The following RESF1 variants were observed in gnomAD, a reference collection of about 807,000 sequenced individuals.
RESF1 encodes retroelement silencing factor 1.
Under a neutral mutation model 134.7 loss-of-function variants are expected in RESF1, and 65 were observed. That is an observed-to-expected ratio of 0.48 (90% confidence interval 0.40 to 0.59). RESF1 has a LOEUF of 0.59. RESF1 is among the 20% of genes least tolerant of loss of function. RESF1 has a pLI of 0.00. For missense variants in RESF1, 2,274 were observed against 2,002.7 expected (o/e 1.14, Z -2.59); for synonymous variants, 762 against 702.2 (o/e 1.09, Z -1.35).
intron 3 of RESF1, among the ~76,000 whole-genome samples, chr12:31,976,468 A>G (rs946370521): frequency 2.6e-5 from 4 of 152,076 alleles, no homozygotes; most frequent in African/African-American, 9.7e-5. Flanking sequence ...GGCGGATCAC[A>G]AGGTCAGGAG....
In RESF1 at chr12:31,985,184, CTT is replaced by C. The variant is rs779715278; in HGVS notation, c.4231_4232del (p.Leu1411ValfsTer10). ...GGAGCTACATTCAAATTAGGTGACT[CTT>C]TGTCAAACCCAAACGAAAGAGCCAT... On this transcript the variant is annotated frameshift_variant, in exon 4 of 6. Coordinates refer to ENST00000312561, the MANE Select transcript of RESF1 (RefSeq NM_018169.4). LOFTEE classifies it high-confidence loss of function. 4.5e-6 allele frequency: 7 copies of C among 1,568,144 alleles called. No homozygotes were observed. Among genetic ancestry groups the C allele is most frequent in the Admixed American group, 2.1e-5 (1 of 47,626 alleles).
In RESF1 at chr12:31,985,892, C is replaced by A; in HGVS notation, c.4937C>A (p.Thr1646Lys). 6.5e-7 allele frequency: 1 copy of A among 1,528,478 alleles called. No individual in the cohort carries two copies. The highest frequency in any genetic ancestry group is 1.3e-5 in the South Asian group (1 of 74,506). The allele number at this position is 1,528,478 out of a possible 1,614,324, so 94.7% of individuals were successfully genotyped here. A position where few individuals can be genotyped will look rare whatever the true frequency, so the allele number is the denominator to read the frequency against. The change falls in exon 4 of 6, where the codon ACA (threonine) becomes AAA (lysine). Residue 1646 changes from threonine (T) to lysine (K), a missense_variant. Coordinates refer to ENST00000312561, the MANE Select transcript of RESF1 (RefSeq NM_018169.4). ...KLCPDILLKN[T>K]NSVEERKDVK... ...TGTCCAGATATCTTACTAAAGAATA[C>A]AAACTCTGTGGAAGAACGGAAGGAT...
chr12:31,992,794 A>G lies in RESF1; in HGVS notation c.*259A>G, dbSNP rs991703439. 3.2e-5 allele frequency: 14 copies of G among 433,066 alleles called. No individual in the cohort carries two copies. In the South Asian group the frequency reaches 3.4e-4, roughly 10 times the overall value. 26.8% of individuals were successfully genotyped at this position (433,066 alleles called of 1,614,324 possible). On this transcript the variant is annotated 3_prime_UTR_variant, in exon 6 of 6. Coordinates refer to ENST00000312561, the MANE Select transcript of RESF1 (RefSeq NM_018169.4). ...ATTGAACCAGATTTACCATTATTTT[A>G]AAAGGAATGCTTATACAAATCAATT...
Position 31,983,032 on chromosome 12 carries a change from T to G in RESF1, c.2077T>G (p.Cys693Gly). 1 of 1,613,878 alleles carries G rather than the reference T, an allele frequency of 6.2e-7. No individual in the cohort carries two copies. Among genetic ancestry groups the G allele is most frequent in the Non-Finnish European group, 8.5e-7 (1 of 1,179,960 alleles). ...TTCAGATACTGCAAAAGAAAAGGAG[T>G]GTGATAAACTCAGAACAAACACAAC... ...QPSDTAKEKECDKLRTNTTAV... is the reference protein window; with the variant it reads ...QPSDTAKEKEGDKLRTNTTAV... The change falls in exon 4 of 6, where the codon TGT (cysteine) becomes GGT (glycine). Residue 693 changes from cysteine (C) to glycine (G), a missense_variant. Transcript: ENST00000312561.
rs1939792996 is a variant in RESF1, at chr12:31,981,570, A to C, written c.615A>C (p.Gly205=). The change falls in exon 4 of 6, where the codon GGA becomes GGC. Residue 205 remains glycine (G), a synonymous_variant. Coordinates refer to ENST00000312561, the MANE Select transcript of RESF1 (RefSeq NM_018169.4). ...VDWTQQCISK[G]LTYPDYRPPP... ...GGACACAACAGTGTATATCTAAGGGACTGACTTACCCAGATTACAGACCAC... is the reference window on the plus strand; with the variant it reads ...GGACACAACAGTGTATATCTAAGGGCCTGACTTACCCAGATTACAGACCAC... 1 of 1,614,146 alleles carries C rather than the reference A, an allele frequency of 6.2e-7. No individual in the cohort carries two copies. The highest frequency in any genetic ancestry group is 2.2e-5 in the East Asian group (1 of 44,880).
chr12:31,977,886 A>G (rs766680465), intron 3 of RESF1, among the ~76,000 whole-genome samples: 25 of 148,842 alleles, frequency 1.7e-4, no homozygotes, highest in Non-Finnish European at 3.0e-4. Context: ...GCTCACTGCA[A>G]CCTCCACCTC....
intron 1 of RESF1, 137 bp from the exon 2 acceptor site, chr12:31,960,640 C>T (rs1295116024): frequency 1.3e-5 from 2 of 152,214 alleles, no homozygotes; most frequent in African/African-American, 4.8e-5. Flanking sequence ...TTACTTAGGA[C>T]ACTTAATAAG....
chr12:31,982,356 A>G lies in RESF1; in HGVS notation c.1401A>G (p.Arg467=), dbSNP rs920055778. The G allele has an allele frequency of 5.6e-6, 9 of 1,614,026 alleles. No homozygotes were observed. The highest frequency in any genetic ancestry group is 5.0e-5 in the Admixed American group (3 of 60,002). ...ITPVMPENAE[R]QTPTVVESAE... Reference sequence around the variant, plus strand: ...CAGTAATGCCAGAGAATGCAGAGAGACAAACACCAACAGTAGTGGAATCTG... The same window carrying G: ...CAGTAATGCCAGAGAATGCAGAGAGGCAAACACCAACAGTAGTGGAATCTG... Residue 467 remains arginine (R), a synonymous_variant, in exon 4 of 6, where the codon AGA becomes AGG. Coordinates refer to ENST00000312561, the MANE Select transcript of RESF1 (RefSeq NM_018169.4).
intron 3 of RESF1, among the ~76,000 whole-genome samples, chr12:31,979,111 G>A (rs373308037): frequency 2.0e-5 from 3 of 151,826 alleles, no homozygotes; most frequent in Admixed American, 1.3e-4. Context: ...TAGTAGAGAC[G>A]GGGTTTCACT....
Position 31,983,298 on chromosome 12 carries a change from T to TG in RESF1, c.2344dup (p.Ala782GlyfsTer5). ...CATTGTCTGTCAAAGGAATAACACC[T>TG]GCAGTGTTACCTGAAACAGTGTATC... On this transcript the variant is annotated frameshift_variant, in exon 4 of 6. Coordinates refer to ENST00000312561, the MANE Select transcript of RESF1 (RefSeq NM_018169.4). LOFTEE classifies it high-confidence loss of function. The TG allele has an allele frequency of 6.2e-7, 1 of 1,613,816 alleles. No individual in the cohort carries two copies. Among genetic ancestry groups the TG allele is most frequent in the South Asian group, 1.1e-5 (1 of 91,060 alleles).
At chr12:31,978,660 C>T (rs1592257817) in intron 3 of RESF1, among the ~76,000 whole-genome samples, 1 of 151,714 alleles carries the variant, frequency 6.6e-6, no homozygotes, top group South Asian at 2.1e-4. Context: ...ATTCTCCTGC[C>T]TCAGCCTCCT....
intron 2 of RESF1, among the ~76,000 whole-genome samples, chr12:31,969,901 T>G (rs544704252): frequency 6.6e-6 from 1 of 152,368 alleles, no homozygotes; most frequent in African/African-American, 2.4e-5. Flanking sequence ...TAGGTCTATT[T>G]TCTTATACTT....
At chr12:31,976,747 A>T (rs1158095293) in intron 3 of RESF1, among the ~76,000 whole-genome samples, 6 of 152,122 alleles carry the variant, frequency 3.9e-5, no homozygotes, top group African/African-American at 1.2e-4. Flanking sequence ...GATCATCATA[A>T]AGGTGTTTAT....
At position 31,965,082 on chromosome 12, in the gene RESF1, A is replaced by G. The variant is rs116796642; in HGVS notation, c.-247+4211A>G. On this transcript the variant is annotated intron_variant, in intron 2 of 5. Transcript: ENST00000312561. Reference sequence around the variant, plus strand: ...TCCGATTCTTCTGCCTCAGCCTCCAAAGTAGCTAGGATTACAGACACTTGC... The same window carrying G: ...TCCGATTCTTCTGCCTCAGCCTCCAGAGTAGCTAGGATTACAGACACTTGC... Among the ~76,000 whole-genome samples the G allele has an allele frequency of 5.0e-3, 754 of 152,012 alleles. 5 individuals are homozygous for G. Among genetic ancestry groups the G allele is most frequent in the African/African-American group, 0.017 (696 of 41,446 alleles).
At chr12:31,967,979 C>T (rs187505622) in intron 2 of RESF1, among the ~76,000 whole-genome samples, 21 of 152,310 alleles carry the variant, frequency 1.4e-4, no homozygotes, top group Admixed American at 8.5e-4. Flanking sequence ...ACTAAGGTGA[C>T]AGAAAGCCAG....
intron 3 of RESF1, among the ~76,000 whole-genome samples, chr12:31,971,348 G>A (rs996442614): frequency 2.0e-5 from 3 of 152,256 alleles, no homozygotes; most frequent in African/African-American, 7.2e-5. Context: ...CACCAGGTTG[G>A]TCAGGCTGGT....
In RESF1 at chr12:31,992,348, T is replaced by C. The variant is rs371823601; in HGVS notation, c.5087-30T>C. 3.5e-5 allele frequency: 55 copies of C among 1,555,876 alleles called. No individual in the cohort carries two copies. The Middle Eastern group carries it at 5.0e-4, about 14-fold the overall frequency. On this transcript the variant is annotated intron_variant, in intron 5 of 5. Coordinates refer to ENST00000312561, the MANE Select transcript of RESF1 (RefSeq NM_018169.4). ...ATTGATCACAGCTAACATTGAGAAA[T>C]AAAGTAAGTAAAGTTTTTATTTCCC...
chr12:31,992,286 C>T (rs1008128430), intron 5 of RESF1, 92 bp from the exon 6 acceptor site: 10 of 1,141,058 alleles, frequency 8.8e-6, no homozygotes, highest in Non-Finnish European at 1.1e-5. Flanking sequence ...TTTTTTATCC[C>T]TCCAATATAT....
At chr12:31,966,462 A>G (rs1939399099) in intron 2 of RESF1, among the ~76,000 whole-genome samples, 1 of 152,212 alleles carries the variant, frequency 6.6e-6, no homozygotes, top group Non-Finnish European at 1.5e-5. Context: ...TCTGCTCTGA[A>G]GGCACAACAG....
Sources: allele counts gnomAD v4.1 joint callset (sites outside exome capture counted in the v4.1 genomes callset), GRCh38; gene constraint gnomAD v4.1.1; transcripts MANE v1.5; gene names NCBI Gene and HGNC (gene_info 2026-07-23, HGNC 2026-07-21).